The following RBL2 variants were observed in gnomAD, a reference collection of about 807,000 sequenced individuals.
The protein encoded by RBL2 is retinoblastoma-like protein 2.
Under a neutral mutation model 126.0 loss-of-function variants are expected in RBL2, and 56 were observed. That is an observed-to-expected ratio of 0.44 (90% confidence interval 0.36 to 0.56). RBL2 has a LOEUF of 0.56. Among genes scored for constraint, RBL2 ranks in the 20% least tolerant of loss-of-function variants. The pLI, the probability that RBL2 is intolerant of heterozygous loss-of-function variation, is 0.00. For synonymous variants in RBL2, 454 were observed against 478.5 expected (o/e 0.95, Z 0.67); for missense variants, 1,229 against 1,398.2 (o/e 0.88, Z 1.93).
intron 21 of RBL2, chr16:53,488,492 A>G (rs1287522147): frequency 6.6e-6 from 1 of 151,994 alleles, no homozygotes; most frequent in Non-Finnish European, 1.5e-5. Flanking sequence ...CGATTATTAG[A>G]CTCTTGGTTG....
At position 53,470,448 on chromosome 16, in the gene RBL2, C is replaced by A; in HGVS notation, c.2311C>A (p.Gln771Lys). The change falls in exon 16 of 22, where the codon CAA (glutamine) becomes AAA (lysine). Residue 771 changes from glutamine (Q) to lysine (K), a missense_variant. Gln to Lys is a moderately conservative substitution (Grantham distance 53). Around this residue, in one of 2 missense-constraint regions of RBL2, gnomAD observed 1,070 missense variants for 1,274.3 expected, o/e 0.84. Coordinates refer to ENST00000262133, the MANE Select transcript of RBL2 (RefSeq NM_005611.4). The stretch of plus-strand genomic sequence containing the variant: ...CCAAGTCAATGTTGGGGGGCAGGCA[C>A]AAGCTGTGACAGGCTCCATCCAGCC... ...PVQVNVGGQAQAVTGSIQPLS... is the reference protein window; with the variant it reads ...PVQVNVGGQAKAVTGSIQPLS... The A allele has an allele frequency of 3.1e-6, 5 of 1,614,104 alleles. No individual in the cohort carries two copies. The highest frequency in any genetic ancestry group is 4.2e-6 in the Non-Finnish European group (5 of 1,180,000).
At chr16:53,474,747 A>G (rs1411062801) in intron 17 of RBL2, among the ~76,000 whole-genome samples, 1 of 152,248 alleles carries the variant, frequency 6.6e-6, no homozygotes, top group Non-Finnish European at 1.5e-5. Flanking sequence ...TTTTATCCTT[A>G]TGCATAAGAG....
intron 17 of RBL2, 124 bp downstream of exon 17, chr16:53,471,046 A>G: frequency 1.0e-6 from 1 of 994,982 alleles, no homozygotes; most frequent in South Asian, 1.7e-5. Flanking sequence ...GCACAACTAA[A>G]TGGGTCTTAG....
At chr16:53,487,120 C>T (rs144600556) in intron 21 of RBL2, among the ~76,000 whole-genome samples, 199 of 152,282 alleles carry the variant, frequency 1.3e-3, no homozygotes, top group Middle Eastern at 3.4e-3. Context: ...GAAAATAAAA[C>T]AGCAGTTTTC....
intron 17 of RBL2, among the ~76,000 whole-genome samples, chr16:53,471,852 AC>A (rs1960536306): frequency 6.6e-6 from 1 of 152,090 alleles, no homozygotes; most frequent in Non-Finnish European, 1.5e-5. Flanking sequence ...TATACTCACC[AC>A]CTCTGTCTAG....
At chr16:53,435,952 A>G (rs1251561542) in intron 1 of RBL2, among the ~76,000 whole-genome samples, 2 of 152,190 alleles carry the variant, frequency 1.3e-5, no homozygotes, top group Non-Finnish European at 2.9e-5. Flanking sequence ...AACTGGAGAT[A>G]TTTGTGTTTA....
chr16:53,479,611 A>G (rs1960864070), intron 18 of RBL2: 1 of 457,736 alleles, frequency 2.2e-6, no homozygotes, highest in East Asian at 3.9e-5. Context: ...CAAATCGGCC[A>G]GATCTGTGTA....
Position 53,470,047 on chromosome 16 carries a change from C to G in RBL2, c.2107C>G (p.Leu703Val), listed in dbSNP as rs1431276404. The change falls in exon 15 of 22, where the codon CTA becomes GTA. Residue 703 changes from leucine to valine, a missense_variant. Around this residue, in one of 2 missense-constraint regions of RBL2, gnomAD observed 1,070 missense variants for 1,274.3 expected, o/e 0.84. Transcript: ENST00000262133. ...GTPGRMPPQP[L>V]VNAVPVQNVS... ...GCCTGGGCGCATGCCCCCACAGCCC[C>G]TAGTCAATGCTGTCCCTGTGCAGAA... 1.9e-6 allele frequency: 3 copies of G among 1,614,234 alleles called. No homozygotes were observed. The South Asian group carries it at 3.3e-5, about 18-fold the overall frequency.
chr16:53,470,932 A>G lies in RBL2; in HGVS notation c.2703+10A>G. On this transcript the variant is annotated intron_variant, in intron 17 of 21. Coordinates refer to ENST00000262133, the MANE Select transcript of RBL2 (RefSeq NM_005611.4). Reference sequence around the variant, plus strand: ...TTATGTGATGGCAAAGGTGAGTACCATTTGGAATTGTAAAGGCAAAGATAG... The same window carrying G: ...TTATGTGATGGCAAAGGTGAGTACCGTTTGGAATTGTAAAGGCAAAGATAG... 4 of 1,599,574 alleles carry G rather than the reference A, an allele frequency of 2.5e-6. No individual in the cohort carries two copies. The highest frequency in any genetic ancestry group is 3.4e-6 in the Non-Finnish European group (4 of 1,173,874).
chr16:53,457,258 C>CCTTTTTTTTTTTTTTTTTTGTTTTTTTT (rs1555566426), intron 8 of RBL2, among the ~76,000 whole-genome samples: 1 of 89,954 alleles, frequency 1.1e-5, no homozygotes, highest in Non-Finnish European at 2.0e-5. Context: ...GTACAGATAG[C>CCTTTTTTTTTTTTTTTTTTGTTTTTTTT]TTTTTTTTTT....
chr16:53,484,727 A>G (rs1251651491), intron 21 of RBL2, among the ~76,000 whole-genome samples: 1 of 152,200 alleles, frequency 6.6e-6, no homozygotes, highest in Admixed American at 6.5e-5. Flanking sequence ...GGGGTGATGA[A>G]AGAATTCAAA....
At chr16:53,447,888 G>A (rs1442112577) in intron 4 of RBL2, among the ~76,000 whole-genome samples, 3 of 151,958 alleles carry the variant, frequency 2.0e-5, no homozygotes, top group Non-Finnish European at 2.9e-5. Flanking sequence ...CAGGTGATCT[G>A]CCTGCCCTGG....
chr16:53,486,728 A>G (rs1961190221), intron 21 of RBL2, among the ~76,000 whole-genome samples: 1 of 152,068 alleles, frequency 6.6e-6, no homozygotes, highest in African/African-American at 2.4e-5. Context: ...AACAATGTCC[A>G]CTCTCACTAC....
intron 4 of RBL2, among the ~76,000 whole-genome samples, chr16:53,447,367 CT>C (rs2058072153): frequency 6.6e-6 from 1 of 152,078 alleles, no homozygotes; most frequent in Non-Finnish European, 1.5e-5. Context: ...CAAAGCTACT[CT>C]TTTAAATTAT....
chr16:53,440,152 C>T (rs765660959), intron 2 of RBL2, among the ~76,000 whole-genome samples: 10 of 151,630 alleles, frequency 6.6e-5, no homozygotes, highest in Non-Finnish European at 1.0e-4. Context: ...AAAAATTAGC[C>T]GAGTGTGGTG....
intron 3 of RBL2, among the ~76,000 whole-genome samples, chr16:53,446,349 TA>T (rs1274194651): frequency 6.6e-6 from 1 of 152,106 alleles, no homozygotes; most frequent in Non-Finnish European, 1.5e-5. Flanking sequence ...GTACCCTAGC[TA>T]ATGGCAGTGC....
Position 53,457,258 on chromosome 16 carries a change from C to CTTTTTTTT in RBL2, c.1180-2181_1180-2174dup, listed in dbSNP as rs756763534. ...GGGTCATCAGGGTGGGTACAGATAGCTTTTTTTTTTTTTTTTTTTGAGATG... is the reference window on the plus strand; with the variant it reads ...GGGTCATCAGGGTGGGTACAGATAGCTTTTTTTTTTTTTTTTTTTTTTTTTTTGAGATG... On this transcript the variant is annotated intron_variant, in intron 8 of 21. Transcript: ENST00000262133. 8.2e-4 allele frequency among the ~76,000 whole-genome samples: 74 copies of CTTTTTTTT among 89,926 alleles called. 7 individuals carry two copies. Among genetic ancestry groups the CTTTTTTTT allele is most frequent in the African/African-American group, 4.1e-3 (68 of 16,712 alleles). The allele number at this position is 89,926 out of a possible 152,430, so 59.0% of individuals were successfully genotyped here.
At chr16:53,474,560 C>T (rs1189715961) in intron 17 of RBL2, among the ~76,000 whole-genome samples, 2 of 152,198 alleles carry the variant, frequency 1.3e-5, no homozygotes, top group Non-Finnish European at 2.9e-5. Context: ...AGGTGATCCA[C>T]CTGCCTCGGC....
Position 53,490,162 on chromosome 16 carries a change from A to T in RBL2, c.3282A>T (p.Thr1094=). ...RLREINSMIR[T]GETPTKKRGI... ...GAGAAATTAATAGTATGATACGCAC[A>T]GGAGAAACTCCTACTAAAAAGAGAG... The change falls in exon 22 of 22, where the codon ACA becomes ACT. Residue 1094 remains threonine (T), a synonymous_variant. Coordinates refer to ENST00000262133, the MANE Select transcript of RBL2 (RefSeq NM_005611.4). 4 of 1,609,956 alleles carry T rather than the reference A, an allele frequency of 2.5e-6. No homozygotes were observed. The highest frequency in any genetic ancestry group is 2.5e-6 in the Non-Finnish European group (3 of 1,178,012).
Sources: gnomAD v4.1 joint callset for allele counts (sites outside exome capture counted in the v4.1 genomes callset) on GRCh38, gnomAD v4.1.1 for gene constraint, gnomAD v4.1.1 regional missense constraint, MANE v1.5 for transcripts, NCBI Gene and HGNC (gene_info 2026-07-23, HGNC 2026-07-21) for gene names.